Variants in TRIM52 observed in about 807,000 individuals in gnomAD.
The protein encoded by TRIM52 is E3 ubiquitin-protein ligase TRIM52.
In TRIM52, 24 loss-of-function variants were observed where a neutral mutation model predicts 27.0. That is an observed-to-expected ratio of 0.89 (90% CI 0.64 to 1.25). The LOEUF (loss-of-function observed/expected upper bound fraction) is 1.25, where lower values mean the gene tolerates loss of function less well. Among genes scored for constraint, TRIM52 ranks in the 50% most tolerant of loss-of-function variants. The pLI, the probability that TRIM52 is intolerant of heterozygous loss-of-function variation, is 0.00. For missense variants in TRIM52, 351 were observed against 354.7 expected, an observed-to-expected ratio of 0.99 and a Z score of 0.08; for synonymous variants, 125 against 126.5, an observed-to-expected ratio of 0.99 and a Z score of 0.08.
At chr5:181,251,558 G>A (rs1037014912), downstream of TRIM52, among the ~76,000 whole-genome samples, 9 of 152,300 alleles carry the variant, frequency 5.9e-5, no homozygotes, top group Admixed American at 3.9e-4. Flanking sequence ...GGTGAGACAA[G>A]TAATAACTTA....
At chr5:181,258,557 G>A (rs1759887146) in intron 1 of TRIM52, 1 of 151,334 alleles carries the variant, frequency 6.6e-6, no homozygotes. Context: ...TAATGTAACA[G>A]AGGTAGCAGT....
rs549348685 is a variant in TRIM52 at position 181,256,331 on chromosome 5, A to G, written c.*478T>C. 6.6e-6 allele frequency: 1 copy of G among 152,228 alleles called. No individual in the cohort carries two copies. Among genetic ancestry groups the G allele is most frequent in the East Asian group, 1.9e-4 (1 of 5,188 alleles). 9.4% of individuals were successfully genotyped at this position (152,228 alleles called of 1,614,324 possible). A position where few individuals can be genotyped will look rare whatever the true frequency, so the allele number is the denominator to read the frequency against. ...TAAGCAAAGTACAGTTTTCTTCATC[A>G]GTAGATTCATCTCAACCAACAGCAA... On this transcript the variant is annotated 3_prime_UTR_variant, in exon 2 of 2. Transcript: ENST00000688015.
downstream of TRIM52, among the ~76,000 whole-genome samples, chr5:181,250,403 G>A (rs577578652): frequency 6.6e-6 from 1 of 152,272 alleles, no homozygotes; most frequent in Non-Finnish European, 1.5e-5. Flanking sequence ...GGGCGTGGTG[G>A]TGCATGCTTG....
At chr5:181,257,451 T>C (rs745588202) in intron 1 of TRIM52, 9 of 1,613,192 alleles carry the variant, frequency 5.6e-6, no homozygotes, top group East Asian at 2.2e-5. Flanking sequence ...GCTTTCTTGC[T>C]CTATCTGAAG....
rs182640735 is a variant in TRIM52, at chr5:181,260,602, G to A, written c.212C>T (p.Ala71Val). 52 of 1,613,484 alleles carry A rather than the reference G, an allele frequency of 3.2e-5. No individual in the cohort carries two copies. Among genetic ancestry groups the A allele is most frequent in the Admixed American group, 1.7e-4 (10 of 59,934 alleles). ...DEWEEEEDEE[A>V]VGAMDGWDGS... ...GTCCCATCCATCCATGGCCCCCACCGCTTCCTCGTCCTCCTCCTCCTCCCA... is the reference window on the plus strand; with the variant it reads ...GTCCCATCCATCCATGGCCCCCACCACTTCCTCGTCCTCCTCCTCCTCCCA... Residue 71 changes from alanine to valine, a missense_variant, in exon 1 of 2, where the codon GCG (alanine) becomes GTG (valine). Transcript: ENST00000688015. The surrounding 1 kb of genome is among the most constrained non-coding windows in gnomAD (Gnocchi z 4.4).
At chr5:181,256,899 A>G (rs941027763) in intron 1 of TRIM52, 40 bp from the exon 2 acceptor site, 8 of 985,540 alleles carry the variant, frequency 8.1e-6, no homozygotes, top group Non-Finnish European at 9.6e-6. Context: ...AAAAGCCTCA[A>G]CATTTTTTTT....
chr5:181,249,425 G>T (rs371120173), downstream of TRIM52, among the ~76,000 whole-genome samples: 18 of 152,212 alleles, frequency 1.2e-4, no homozygotes, highest in African/African-American at 4.3e-4. Context: ...GTTCACACCT[G>T]TAATCCCAGC....
intron 1 of TRIM52, chr5:181,259,501 T>G: frequency 5.9e-6 from 1 of 169,884 alleles, no homozygotes; most frequent in Non-Finnish European, 1.3e-5. Context: ...AGAGGGGGGG[T>G]GTGGCCAATT....
In TRIM52 at chr5:181,261,055, C is replaced by T. The variant is rs1052122887; in HGVS notation, c.-242G>A. The stretch of plus-strand genomic sequence containing the variant: ...AGGCTGCAGCCCCCAGCTGCTCGGT[C>T]CTGTCACGTCTCTCGCTACCCTCAG... On this transcript the variant is annotated 5_prime_UTR_variant, in exon 1 of 2. Transcript: ENST00000688015. 10 of 526,984 alleles carry T rather than the reference C, an allele frequency of 1.9e-5. No homozygotes were observed. Among genetic ancestry groups the T allele is most frequent in the African/African-American group, 1.7e-4 (9 of 52,986 alleles). The allele number at this position is 526,984 out of a possible 1,614,324, so 32.6% of individuals were successfully genotyped here.
In TRIM52 at chr5:181,260,634, T is replaced by G; in HGVS notation, c.180A>C (p.Glu60Asp). 6.2e-7 allele frequency: 1 copy of G among 1,613,930 alleles called. No homozygotes were observed. Among genetic ancestry groups the G allele is most frequent in the African/African-American group, 1.3e-5 (1 of 74,952 alleles). ...KEDEEDQNEE[E>D]DEWEEEEDEE... ...CGTCCTCCTCCTCCTCCCATTCATC[T>G]TCCTCCTCGTTCTGGTCCTCCTCGT... The change falls in exon 1 of 2, where the codon GAA becomes GAC. Residue 60 changes from glutamate (E) to aspartate (D), a missense_variant. Coordinates refer to ENST00000688015, the MANE Select transcript of TRIM52 (RefSeq NM_001346048.2). The surrounding 1 kb of genome is among the most constrained non-coding windows in gnomAD (Gnocchi z 4.4).
In TRIM52 at chr5:181,260,561, C is replaced by CCT. The variant is rs1162315377; in HGVS notation, c.251_252dup (p.Val85ArgfsTer28). On this transcript the variant is annotated frameshift_variant, in exon 1 of 2. Coordinates refer to ENST00000688015, the MANE Select transcript of TRIM52 (RefSeq NM_001346048.2). LOFTEE classifies it high-confidence loss of function. The surrounding 1 kb of genome is among the most constrained non-coding windows in gnomAD (Gnocchi z 4.4). ...TCGTCAGCATTCCCCCGATACAACA[C>CCT]CTCTCGAATGGAGCCGTCCCATCCA... The CCT allele has an allele frequency of 6.2e-7, 1 of 1,614,024 alleles. No homozygotes were observed. The highest frequency in any genetic ancestry group is 8.5e-7 in the Non-Finnish European group (1 of 1,180,010).
downstream of TRIM52, among the ~76,000 whole-genome samples, chr5:181,251,709 A>G (rs1336918090): frequency 6.6e-6 from 1 of 152,102 alleles, no homozygotes; most frequent in Non-Finnish European, 1.5e-5. Context: ...TCTGGTTTGG[A>G]CAGACTATGA....
chr5:181,252,342 T>C (rs1350050308), downstream of TRIM52, among the ~76,000 whole-genome samples: 1 of 152,228 alleles, frequency 6.6e-6, no homozygotes, highest in Admixed American at 6.5e-5. Context: ...TAGCTACATG[T>C]GGCTAATTAA....
Position 181,256,281 on chromosome 5 carries a change from A to G in TRIM52, c.*528T>C, listed in dbSNP as rs1160040508. The G allele has an allele frequency of 6.6e-6, 1 of 152,154 alleles. No homozygotes were observed. Among genetic ancestry groups the G allele is most frequent in the Non-Finnish European group, 1.5e-5 (1 of 68,016 alleles). 9.4% of individuals were successfully genotyped at this position (152,154 alleles called of 1,614,324 possible). A position where few individuals can be genotyped will look rare whatever the true frequency, so the allele number is the denominator to read the frequency against. The stretch of plus-strand genomic sequence containing the variant: ...AGGCTCACGAAAACAGCACACCCAC[A>G]GTTTTGAAAGCCTTATTCTGAATGT... On this transcript the variant is annotated 3_prime_UTR_variant, in exon 2 of 2. Transcript: ENST00000688015.
At chr5:181,258,394 A>C (rs1759877733) in intron 1 of TRIM52, 1 of 152,230 alleles carries the variant, frequency 6.6e-6, no homozygotes, top group Admixed American at 6.5e-5. Flanking sequence ...CGTCTCAAAA[A>C]AAAAAGTTAG....
rs1759794356 is a variant in TRIM52, at chr5:181,256,721, T to C, written c.*88A>G. The C allele has an allele frequency of 2.5e-6, 2 of 788,702 alleles. No individual in the cohort carries two copies. The highest frequency in any genetic ancestry group is 5.8e-5 in the South Asian group (1 of 17,342). 48.9% of individuals were successfully genotyped at this position (788,702 alleles called of 1,614,324 possible). On this transcript the variant is annotated 3_prime_UTR_variant, in exon 2 of 2. Transcript: ENST00000688015. ...AAGATTCCTGTGAATATTTCAATAC[T>C]GTCCAGTCTTAAAGCTGCAGAGAAT...
At chr5:181,253,929 C>T (rs1759692187), downstream of TRIM52, among the ~76,000 whole-genome samples, 1 of 142,988 alleles carries the variant, frequency 7.0e-6, no homozygotes, top group Non-Finnish European at 1.5e-5. Context: ...TGTGATTGCA[C>T]TACTGCACTC....
downstream of TRIM52, among the ~76,000 whole-genome samples, chr5:181,250,896 C>T (rs1759620956): frequency 6.6e-6 from 1 of 152,172 alleles, no homozygotes; most frequent in Non-Finnish European, 1.5e-5. Flanking sequence ...TGGATCCTCT[C>T]CAGGCCACCT....
chr5:181,253,764 C>T (rs141122990), downstream of TRIM52, among the ~76,000 whole-genome samples: 8 of 142,552 alleles, frequency 5.6e-5, 1 homozygote, highest in Middle Eastern at 0.015. Flanking sequence ...GAGGCCAAGG[C>T]AGGAGGATCA....
Sources: allele counts gnomAD v4.1 joint callset (sites outside exome capture counted in the v4.1 genomes callset), GRCh38; gene constraint gnomAD v4.1.1; non-coding constraint Gnocchi (gnomAD v3.1); transcripts MANE v1.5; gene names NCBI Gene and HGNC (gene_info 2026-07-23, HGNC 2026-07-21).